The following GRK5 variants were observed in gnomAD, a reference collection of about 807,000 sequenced individuals.
The protein encoded by GRK5 is g protein-coupled receptor kinase GRK5.
Under a neutral mutation model 78.4 loss-of-function variants are expected in GRK5, and 40 were observed. The observed-to-expected ratio is 0.51, with a 90% CI of 0.40 to 0.66. GRK5 has a LOEUF of 0.66. GRK5 is among the 30% of genes least tolerant of loss of function. The probability of loss-of-function intolerance (pLI) is 0.00; values close to 1 mark genes in which losing one functional copy is unlikely to be tolerated. For missense variants in GRK5, 598 were observed against 759.9 expected (o/e 0.79, Z 2.50); for synonymous variants, 289 against 296.8 (o/e 0.97, Z 0.27).
At chr10:119,261,765 G>GGC (rs910953217) in intron 1 of GRK5, among the ~76,000 whole-genome samples, 1 of 152,340 alleles carries the variant, frequency 6.6e-6, no homozygotes, top group African/African-American at 2.4e-5. Context: ...CAGGCGTGGC[G>GGC]GCGCGCGCCT....
At chr10:119,298,337 C>CA (rs1198551886) in intron 1 of GRK5, among the ~76,000 whole-genome samples, 2 of 152,146 alleles carry the variant, frequency 1.3e-5, no homozygotes, top group Non-Finnish European at 2.9e-5. Context: ...TAACAGGAAA[C>CA]AGAGTGGAGA....
At position 119,452,427 on chromosome 10, in the gene GRK5, T is replaced by G; in HGVS notation, c.1405-244T>G. ...AGGGCTGCACTGTCATCTGGAGGGG[T>G]CGCACAAAAAAACCACAGGCCATCA... On this transcript the variant is annotated intron_variant, in intron 13 of 15. Transcript: ENST00000392870. This position sits in a 1 kb window ranked among gnomAD's most constrained non-coding sequence, Gnocchi z 4.4. 1.6e-5 allele frequency: 8 copies of G among 500,864 alleles called. No homozygotes were observed. Among genetic ancestry groups the G allele is most frequent in the East Asian group, 3.3e-5 (1 of 30,540 alleles). The allele number at this position is 500,864 out of a possible 1,614,324, so 31.0% of individuals were successfully genotyped here.
rs767203755 is a variant in GRK5 at position 119,453,250 on chromosome 10, C to G, written c.1648C>G (p.Leu550Val). ...NHPPEPPKKG[L>V]LQRLFKRQHQ... The stretch of plus-strand genomic sequence containing the variant: ...CCCTCCGGAACCGCCCAAGAAAGGG[C>G]TGCTCCAGAGACTCTTCAAGCGGCA... The change falls in exon 15 of 16, where the codon CTG (leucine) becomes GTG (valine). Residue 550 changes from leucine to valine, a missense_variant. Coordinates refer to ENST00000392870, the MANE Select transcript of GRK5 (RefSeq NM_005308.3). The G allele has an allele frequency of 7.4e-6, 12 of 1,613,990 alleles. No homozygotes were observed. In the African/African-American group the frequency reaches 9.3e-5, roughly 13 times the overall value.
At chr10:119,440,732 G>A (rs994813237) in intron 10 of GRK5, among the ~76,000 whole-genome samples, 1 of 152,000 alleles carries the variant, frequency 6.6e-6, no homozygotes, top group African/African-American at 2.4e-5. Context: ...TGTATCTTTG[G>A]TAGAAATGGG....
At chr10:119,316,814 T>C (rs938482674) in intron 1 of GRK5, among the ~76,000 whole-genome samples, 1 of 152,094 alleles carries the variant, frequency 6.6e-6, no homozygotes, top group Non-Finnish European at 1.5e-5. Context: ...TTTGGCATGA[T>C]TGATGGAATC....
chr10:119,417,470 G>T (rs1285709933), intron 4 of GRK5, among the ~76,000 whole-genome samples: 1 of 152,228 alleles, frequency 6.6e-6, no homozygotes, highest in African/African-American at 2.4e-5. Context: ...TAGCCAGCAA[G>T]TCACCCCATT....
At chr10:119,438,088 CAAAAT>C (rs778274927) in intron 9 of GRK5, among the ~76,000 whole-genome samples, 8 of 152,164 alleles carry the variant, frequency 5.3e-5, no homozygotes, top group Non-Finnish European at 8.8e-5. Flanking sequence ...GACTCCGTCT[CAAAAT>C]AAAATAAAAT....
intron 1 of GRK5, among the ~76,000 whole-genome samples, chr10:119,254,388 T>A (rs143233429): frequency 1.7e-4 from 25 of 150,258 alleles, no homozygotes; most frequent in African/African-American, 4.9e-4. Context: ...AGTTTTAGAT[T>A]TTTTTTTTTG....
At chr10:119,342,905 G>A (rs566620350) in intron 2 of GRK5, among the ~76,000 whole-genome samples, 30 of 152,090 alleles carry the variant, frequency 2.0e-4, no homozygotes, top group Non-Finnish European at 4.0e-4. Context: ...ACCCCCCAAC[G>A]CCCTCATCTC....
intron 12 of GRK5, 76 bp from the exon 13 acceptor site, chr10:119,448,046 CA>C (rs1391538402): frequency 1.4e-6 from 2 of 1,459,072 alleles, no homozygotes; most frequent in Non-Finnish European, 1.8e-6. Flanking sequence ...AGGCATGGTG[CA>C]GACACTGTGG....
intron 1 of GRK5, among the ~76,000 whole-genome samples, chr10:119,263,226 C>G (rs900309668): frequency 4.6e-5 from 7 of 152,132 alleles, no homozygotes; most frequent in African/African-American, 1.7e-4. Flanking sequence ...AGGCTGGTCT[C>G]GAACTCCTGA....
At chr10:119,279,159 C>G (rs1171969694) in intron 1 of GRK5, among the ~76,000 whole-genome samples, 2 of 152,232 alleles carry the variant, frequency 1.3e-5, no homozygotes, top group Admixed American at 6.5e-5. Flanking sequence ...GGATTACAGG[C>G]GTGAGCCACT....
At chr10:119,415,667 T>C (rs916322354) in intron 4 of GRK5, among the ~76,000 whole-genome samples, 1 of 152,218 alleles carries the variant, frequency 6.6e-6, no homozygotes, top group Non-Finnish European at 1.5e-5. Context: ...GATGTGAGTG[T>C]TCCCAGCTGT....
At chr10:119,299,936 A>G (rs1054868616) in intron 1 of GRK5, among the ~76,000 whole-genome samples, 4 of 152,004 alleles carry the variant, frequency 2.6e-5, no homozygotes, top group Non-Finnish European at 5.9e-5. Flanking sequence ...TACATTAGGT[A>G]TATCTCCTAA....
intron 1 of GRK5, among the ~76,000 whole-genome samples, chr10:119,251,809 C>T (rs911864012): frequency 6.6e-6 from 1 of 152,132 alleles, no homozygotes; most frequent in Non-Finnish European, 1.5e-5. Context: ...GTTATGACAA[C>T]CAAAAATGTC....
chr10:119,240,463 A>G, intron 1 of GRK5, among the ~76,000 whole-genome samples: 1 of 151,646 alleles, frequency 6.6e-6, no homozygotes, highest in East Asian at 1.9e-4. Flanking sequence ...AGCCTCCCAA[A>G]GTGCTGGGAT....
intron 1 of GRK5, among the ~76,000 whole-genome samples, chr10:119,306,066 C>T (rs77080848): frequency 0.03 from 4,639 of 152,118 alleles, 99 homozygotes; most frequent in East Asian, 0.085. Context: ...AGCTGGAGGA[C>T]TGTGTGATGG....
At chr10:119,214,014 G>A (rs140525562) in intron 1 of GRK5, among the ~76,000 whole-genome samples, 8 of 152,150 alleles carry the variant, frequency 5.3e-5, no homozygotes, top group East Asian at 1.9e-4. Context: ...CTGCTCTGTC[G>A]CGCAGGCTAG....
chr10:119,221,005 A>C (rs1848648838), intron 1 of GRK5, among the ~76,000 whole-genome samples: 1 of 151,440 alleles, frequency 6.6e-6, no homozygotes, highest in Non-Finnish European at 1.5e-5. Context: ...AATACAAAAA[A>C]ATTAGCCTGG....
Sources: gnomAD v4.1 joint callset for allele counts (sites outside exome capture counted in the v4.1 genomes callset) on GRCh38, gnomAD v4.1.1 for gene constraint, Gnocchi (gnomAD v3.1) non-coding constraint, MANE v1.5 for transcripts, NCBI Gene and HGNC (gene_info 2026-07-23, HGNC 2026-07-21) for gene names.